The following MBNL2 variants were observed in gnomAD, a reference collection of about 807,000 sequenced individuals.
MBNL2 encodes the protein muscleblind-like protein 2.
Under a neutral mutation model 41.9 loss-of-function variants are expected in MBNL2, and 17 were observed. The ratio of observed to expected loss-of-function variants is 0.41; its 90% CI spans 0.28 to 0.61. The LOEUF (loss-of-function observed/expected upper bound fraction) is 0.61, where lower values mean the gene tolerates loss of function less well. Ranked by LOEUF, MBNL2 falls within the 20% of genes least tolerant of loss-of-function variation. MBNL2 has a pLI of 0.35. For missense variants in MBNL2, 336 were observed against 505.6 expected (o/e 0.66, Z 3.22); for synonymous variants, 195 against 182.9 (o/e 1.07, Z -0.53).
At chr13:97,242,880 A>G (rs575611437) in intron 1 of MBNL2, among the ~76,000 whole-genome samples, 2 of 152,248 alleles carry the variant, frequency 1.3e-5, no homozygotes, top group South Asian at 4.1e-4. Context: ...GTCGTTGTCC[A>G]ATGACATCAT....
At chr13:97,159,870 G>T in the MBNL2 span, among the ~76,000 whole-genome samples, 1 of 151,558 alleles carries the variant, frequency 6.6e-6, no homozygotes, top group East Asian at 1.9e-4. Flanking sequence ...TGACAATTAT[G>T]TGTCTTGGAG....
At chr13:97,215,959 A>G in the MBNL2 span, among the ~76,000 whole-genome samples, 58 of 152,324 alleles carry the variant, frequency 3.8e-4, 1 homozygote, top group African/African-American at 1.3e-3. Context: ...GAGCACTGCT[A>G]TGTACCATGT....
the MBNL2 span, among the ~76,000 whole-genome samples, chr13:97,166,398 A>G: frequency 3.3e-5 from 5 of 152,290 alleles, no homozygotes; most frequent in Admixed American, 6.5e-5. Flanking sequence ...GACACATGTG[A>G]TGGTTAATAC....
chr13:97,374,103 C>T (rs1049376950), intron 8 of MBNL2, among the ~76,000 whole-genome samples: 4 of 103,936 alleles, frequency 3.8e-5, no homozygotes, highest in Non-Finnish European at 8.5e-5. Context: ...GAGATGGAGC[C>T]TCGCCCTGTC....
the MBNL2 span, among the ~76,000 whole-genome samples, chr13:97,180,755 A>T: frequency 4.6e-4 from 70 of 151,458 alleles, no homozygotes; most frequent in South Asian, 2.1e-3. Flanking sequence ...AAAAAAAAAA[A>T]AAAAAAAAAC....
At chr13:97,386,509 C>T (rs2065935312) in intron 8 of MBNL2, among the ~76,000 whole-genome samples, 1 of 152,190 alleles carries the variant, frequency 6.6e-6, no homozygotes, top group African/African-American at 2.4e-5. Flanking sequence ...CATATCTTTC[C>T]TGCCTGGCCC....
chr13:97,280,758 A>C (rs1446037404), intron 2 of MBNL2, among the ~76,000 whole-genome samples: 1 of 152,216 alleles, frequency 6.6e-6, no homozygotes, highest in Non-Finnish European at 1.5e-5. Context: ...GCTTTGCCTT[A>C]GGGCATCTGC....
At position 97,325,006 on chromosome 13, in the gene MBNL2, G is replaced by C. The variant is rs562721276; in HGVS notation, c.175-9270G>C. On this transcript the variant is annotated intron_variant, in intron 2 of 8. Coordinates refer to ENST00000679496, the MANE Select transcript of MBNL2 (RefSeq NM_001382683.1). ...TCCACTGACTCAAATGTTAATGTTT[G>C]GCAACACTCTCTCAGACACACCTAG... 4.1e-4 allele frequency among the ~76,000 whole-genome samples: 63 copies of C among 152,168 alleles called. No homozygotes were observed. In the South Asian group the frequency reaches 0.013, roughly 32 times the overall value.
At chr13:97,227,419 A>G (rs1472670779) in intron 1 of MBNL2, among the ~76,000 whole-genome samples, 1 of 152,220 alleles carries the variant, frequency 6.6e-6, no homozygotes, top group African/African-American at 2.4e-5. Context: ...GCAAGGAAAC[A>G]AGATATTTAC....
chr13:97,174,861 A>G, the MBNL2 span, among the ~76,000 whole-genome samples: 2 of 152,114 alleles, frequency 1.3e-5, no homozygotes, highest in African/African-American at 2.4e-5. Context: ...AAAAGACTCA[A>G]TGACAGTCCA....
At chr13:97,286,554 T>G (rs1210525069) in intron 2 of MBNL2, among the ~76,000 whole-genome samples, 1 of 152,232 alleles carries the variant, frequency 6.6e-6, no homozygotes, top group Admixed American at 6.5e-5. Context: ...TGTCAGTCTC[T>G]TGCTCAAAAT....
chr13:97,382,365 A>G (rs1053549724), intron 8 of MBNL2, among the ~76,000 whole-genome samples: 1 of 152,232 alleles, frequency 6.6e-6, no homozygotes, highest in Non-Finnish European at 1.5e-5. Context: ...TGATGTTGCT[A>G]TATCTTTGGG....
chr13:97,345,167 C>T (rs1033331890), intron 4 of MBNL2, among the ~76,000 whole-genome samples: 1 of 152,190 alleles, frequency 6.6e-6, no homozygotes, highest in Admixed American at 6.5e-5. Context: ...ACAGTATTTC[C>T]TAAGTATGTC....
chr13:97,352,834 A>C (rs556651256), intron 5 of MBNL2, among the ~76,000 whole-genome samples: 2 of 152,252 alleles, frequency 1.3e-5, no homozygotes, highest in Non-Finnish European at 2.9e-5. Context: ...CTTAGGGCTG[A>C]GCCCTGATTT....
At chr13:97,372,562 T>C (rs1405963896) in intron 8 of MBNL2, among the ~76,000 whole-genome samples, 1 of 152,188 alleles carries the variant, frequency 6.6e-6, no homozygotes, top group Non-Finnish European at 1.5e-5. Context: ...AGCCCTCTAT[T>C]TATATTTGAT....
chr13:97,227,386 G>GCGGC (rs1274592045), intron 1 of MBNL2, among the ~76,000 whole-genome samples: 1 of 152,156 alleles, frequency 6.6e-6, no homozygotes, highest in Admixed American at 6.5e-5. Context: ...TGAAAATGCT[G>GCGGC]CGGCCGTTTG....
At chr13:97,276,888 T>C (rs533314920) in intron 2 of MBNL2, among the ~76,000 whole-genome samples, 15 of 152,234 alleles carry the variant, frequency 9.9e-5, no homozygotes, top group Non-Finnish European at 1.9e-4. Context: ...TAACAGAAAT[T>C]ATTAAGTACA....
chr13:97,281,875 C>A (rs1248488185), intron 2 of MBNL2, among the ~76,000 whole-genome samples: 1 of 152,150 alleles, frequency 6.6e-6, no homozygotes, highest in Non-Finnish European at 1.5e-5. Flanking sequence ...TTGTGACTAC[C>A]AAACTCATGA....
chr13:97,187,567 A>G, the MBNL2 span, among the ~76,000 whole-genome samples: 5 of 126,198 alleles, frequency 4.0e-5, no homozygotes, highest in South Asian at 1.4e-3. Context: ...GCCTTCTGCC[A>G]CTGGGAATCC....
Sources: gnomAD v4.1 joint callset for allele counts (sites outside exome capture counted in the v4.1 genomes callset) on GRCh38, gnomAD v4.1.1 for gene constraint, MANE v1.5 for transcripts, NCBI Gene and HGNC (gene_info 2026-07-23, HGNC 2026-07-21) for gene names.